The following GRIK4 variants were observed in gnomAD, a reference collection of about 807,000 sequenced individuals.
GRIK4 encodes glutamate receptor ionotropic, kainate 4.
GRIK4 carries 40 observed loss-of-function variants against 104.9 expected under a neutral mutation model. That is an observed-to-expected ratio of 0.38 (90% confidence interval 0.30 to 0.50). The LOEUF is 0.50. Among genes scored for constraint, GRIK4 ranks in the 20% least tolerant of loss-of-function variants. GRIK4 has a pLI of 0.93. For synonymous variants in GRIK4, 485 were observed against 524.9 expected (o/e 0.92, Z 1.04); for missense variants, 1,047 against 1,308.1 (o/e 0.80, Z 3.08).
chr11:120,961,278 A>G (rs558088172), intron 17 of GRIK4, among the ~76,000 whole-genome samples: 2 of 152,156 alleles, frequency 1.3e-5, no homozygotes, highest in Admixed American at 6.5e-5. Flanking sequence ...CGTTAATATC[A>G]GCCGGTGCCA....
chr11:120,967,881 C>T lies in GRIK4; in HGVS notation c.2395+558C>T, dbSNP rs1944411394. Among the ~76,000 whole-genome samples the T allele has an allele frequency of 1.3e-5, 2 of 152,076 alleles. No individual in the cohort carries two copies. The highest frequency in any genetic ancestry group is 4.2e-4 in the South Asian group (2 of 4,790). On this transcript the variant is annotated intron_variant, in intron 19 of 20. Transcript: ENST00000527524. The surrounding 1 kb of genome is among the most constrained non-coding windows in gnomAD (Gnocchi z 4.2). ...CTCTTCCACCCCAGGGCCTGTGCAC[C>T]TGTTCCCTCCTCCTGGCCTTCCCTC...
chr11:120,968,356 C>T (rs143493612), intron 19 of GRIK4, among the ~76,000 whole-genome samples: 68 of 152,292 alleles, frequency 4.5e-4, no homozygotes, highest in Non-Finnish European at 8.7e-4. Context: ...CATATGGTCA[C>T]GTACCATATC....
chr11:120,887,781 G>T (rs1592041394), intron 11 of GRIK4, among the ~76,000 whole-genome samples: 1 of 152,340 alleles, frequency 6.6e-6, no homozygotes, highest in East Asian at 1.9e-4. Flanking sequence ...ATAACTATAT[G>T]ATTACAAACG....
intron 20 of GRIK4, among the ~76,000 whole-genome samples, chr11:120,985,460 A>G (rs993621203): frequency 2.6e-5 from 4 of 152,216 alleles, no homozygotes; most frequent in East Asian, 3.9e-4. Flanking sequence ...CAGAATGTTC[A>G]TAGAGACATG....
At chr11:120,754,545 G>A (rs541723899) in intron 3 of GRIK4, among the ~76,000 whole-genome samples, 1 of 152,286 alleles carries the variant, frequency 6.6e-6, no homozygotes, top group South Asian at 2.1e-4. Context: ...TGATGCTGCT[G>A]TGAACATTCA....
intron 3 of GRIK4, among the ~76,000 whole-genome samples, chr11:120,765,495 C>T (rs1466923610): frequency 6.6e-6 from 1 of 152,072 alleles, no homozygotes; most frequent in Admixed American, 6.6e-5. Flanking sequence ...CGGTTTTGTT[C>T]CCTTGCTGAC....
Position 120,576,549 on chromosome 11 carries a change from G to A in GRIK4, c.-159+64662G>A, listed in dbSNP as rs193137004. ...GCGCTTAGCTTTCTATGACCTGGGC[G>A]GATGGAGGCCAAAGGTAAGGTGGGA... On this transcript the variant is annotated intron_variant, in intron 1 of 20. Coordinates refer to ENST00000527524, the MANE Select transcript of GRIK4 (RefSeq NM_014619.5). 4.9e-3 allele frequency: 742 copies of A among 152,480 alleles called. 8 individuals are homozygous for A. Among genetic ancestry groups the A allele is most frequent in the Non-Finnish European group, 7.8e-3 (533 of 68,164 alleles). 9.4% of individuals were successfully genotyped at this position (152,480 alleles called of 1,614,324 possible). A position where few individuals can be genotyped will look rare whatever the true frequency, so the allele number is the denominator to read the frequency against.
At chr11:120,690,151 G>A (rs972371791) in intron 3 of GRIK4, among the ~76,000 whole-genome samples, 6 of 152,154 alleles carry the variant, frequency 3.9e-5, no homozygotes, top group African/African-American at 1.4e-4. Context: ...GCTTCTACCT[G>A]CTCCCCTCGT....
At chr11:120,566,180 T>C (rs1948320201) in intron 1 of GRIK4, among the ~76,000 whole-genome samples, 1 of 152,214 alleles carries the variant, frequency 6.6e-6, no homozygotes, top group African/African-American at 2.4e-5. Context: ...AAATTCTTCA[T>C]TTGTAGAGGC....
chr11:120,860,510 G>A (rs953391543), intron 8 of GRIK4, among the ~76,000 whole-genome samples: 1 of 152,274 alleles, frequency 6.6e-6, no homozygotes, highest in South Asian at 2.1e-4. Flanking sequence ...AAATGTCACT[G>A]CCTTTAGATG....
At chr11:120,971,972 G>A (rs1017473385) in intron 19 of GRIK4, among the ~76,000 whole-genome samples, 2 of 152,230 alleles carry the variant, frequency 1.3e-5, no homozygotes, top group African/African-American at 4.8e-5. Flanking sequence ...CTAAATGGGA[G>A]CTGCTGGGGA....
intron 12 of GRIK4, among the ~76,000 whole-genome samples, chr11:120,904,184 G>A (rs1335169045): frequency 2.0e-5 from 3 of 151,956 alleles, no homozygotes; most frequent in Non-Finnish European, 4.4e-5. Context: ...GCAATCTCTG[G>A]CCCCTGTCTT....
chr11:120,660,501 C>A, intron 3 of GRIK4, 101 bp downstream of exon 3: 2 of 854,736 alleles, frequency 2.3e-6, no homozygotes, highest in Admixed American at 2.1e-5. Flanking sequence ...CTGCCCAGCC[C>A]GTGCACTGTG....
chr11:120,935,224 A>G (rs1443070029), intron 13 of GRIK4, among the ~76,000 whole-genome samples: 2 of 152,166 alleles, frequency 1.3e-5, no homozygotes, highest in Admixed American at 6.5e-5. Context: ...AGACGGTGGA[A>G]TAATTTGCCT....
chr11:120,710,390 A>G (rs1049779811), intron 3 of GRIK4, among the ~76,000 whole-genome samples: 3 of 152,144 alleles, frequency 2.0e-5, no homozygotes, highest in African/African-American at 7.2e-5. Context: ...AGAAGTCAAG[A>G]TACAGTTCGG....
intron 1 of GRIK4, among the ~76,000 whole-genome samples, chr11:120,539,180 G>A (rs1948007549): frequency 6.6e-6 from 1 of 152,182 alleles, no homozygotes; most frequent in Non-Finnish European, 1.5e-5. Context: ...TGGGAGGAGA[G>A]GACAGCCTCT....
chr11:120,557,156 G>A (rs1230598923), intron 1 of GRIK4, among the ~76,000 whole-genome samples: 1 of 152,160 alleles, frequency 6.6e-6, no homozygotes, highest in African/African-American at 2.4e-5. Flanking sequence ...AGGGCTGACT[G>A]TCTTTCTCTT....
chr11:120,685,794 C>T (rs943393900), intron 3 of GRIK4, among the ~76,000 whole-genome samples: 1 of 152,170 alleles, frequency 6.6e-6, no homozygotes, highest in South Asian at 2.1e-4. Context: ...CTTTCTCAGT[C>T]CTTCTCTTAT....
chr11:120,898,509 G>A (rs1291212618), intron 11 of GRIK4, 23 bp from the exon 12 acceptor site: 4 of 1,385,110 alleles, frequency 2.9e-6, no homozygotes, highest in Non-Finnish European at 4.1e-6. Flanking sequence ...TTTCTTCCCA[G>A]TCCTCTCCGT....
Sources: gnomAD v4.1 joint callset for allele counts (sites outside exome capture counted in the v4.1 genomes callset) on GRCh38, gnomAD v4.1.1 for gene constraint, Gnocchi (gnomAD v3.1) non-coding constraint, MANE v1.5 for transcripts, NCBI Gene and HGNC (gene_info 2026-07-23, HGNC 2026-07-21) for gene names.